Variants in B4GALT5 observed in about 807,000 individuals in gnomAD.
B4GALT5 encodes the protein beta-1,4-galactosyltransferase 5, also known as UDP-Gal:beta-GlcNAc beta-1,4-galactosyltransferase 5.
Under a neutral mutation model 45.0 loss-of-function variants are expected in B4GALT5, and 11 were observed. That is an observed-to-expected ratio of 0.24 (90% CI 0.15 to 0.40). The LOEUF is 0.40. Among genes scored for constraint, B4GALT5 ranks in the 10% least tolerant of loss-of-function variants. The pLI, the probability that B4GALT5 is intolerant of heterozygous loss-of-function variation, is 1.00. For missense variants in B4GALT5, 337 were observed against 500.2 expected (o/e 0.67, Z 3.11); for synonymous variants, 185 against 182.9 (o/e 1.01, Z -0.09).
At chr20:49,682,376 A>G (rs533871174) in intron 1 of B4GALT5, among the ~76,000 whole-genome samples, 48 of 152,328 alleles carry the variant, frequency 3.2e-4, no homozygotes, top group African/African-American at 1.2e-3. Context: ...AAGTCTGTCT[A>G]CACCAGCTCT....
chr20:49,702,869 A>G (rs1425412809), intron 1 of B4GALT5, among the ~76,000 whole-genome samples: 3 of 151,274 alleles, frequency 2.0e-5, no homozygotes, highest in Non-Finnish European at 4.4e-5. Flanking sequence ...AACAAAAAAA[A>G]ACCCTAAAAA....
At chr20:49,699,910 C>A (rs4810979) in intron 1 of B4GALT5, among the ~76,000 whole-genome samples, 1 of 151,932 alleles carries the variant, frequency 6.6e-6, no homozygotes, top group Admixed American at 6.6e-5. Context: ...TGCATAATCT[C>A]ATCACTTCCT....
chr20:49,655,051 A>C (rs932368501), intron 2 of B4GALT5, among the ~76,000 whole-genome samples: 1 of 152,062 alleles, frequency 6.6e-6, no homozygotes, highest in Non-Finnish European at 1.5e-5. Flanking sequence ...GAATCACTTG[A>C]GCCTGGGAGG....
At chr20:49,655,215 G>C (rs1475244034) in intron 2 of B4GALT5, among the ~76,000 whole-genome samples, 1 of 152,010 alleles carries the variant, frequency 6.6e-6, no homozygotes, top group African/African-American at 2.4e-5. Context: ...CGGATCACCT[G>C]AGGTCAGGAG....
chr20:49,659,250 T>C (rs1247453756), intron 1 of B4GALT5, among the ~76,000 whole-genome samples: 1 of 152,248 alleles, frequency 6.6e-6, no homozygotes, highest in Non-Finnish European at 1.5e-5. Context: ...ACACTGTTAC[T>C]GCTCAAAAGT....
chr20:49,685,887 GTATT>G (rs1468741611), intron 1 of B4GALT5, among the ~76,000 whole-genome samples: 3 of 150,376 alleles, frequency 2.0e-5, no homozygotes, highest in African/African-American at 4.9e-5. Flanking sequence ...AAGCTTTAGA[GTATT>G]TAAAGTGAAA....
intron 1 of B4GALT5, among the ~76,000 whole-genome samples, chr20:49,659,726 A>G (rs2085657714): frequency 6.6e-6 from 1 of 152,170 alleles, no homozygotes; most frequent in Admixed American, 6.5e-5. Context: ...AAGAACACAG[A>G]GTCAACAGGG....
rs1387543584 is a variant in B4GALT5 at position 49,713,607 on chromosome 20, C to T, written c.84G>A (p.Leu28=). The change falls in exon 1 of 9, where the codon CTG becomes CTA. Residue 28 remains leucine (L), a synonymous_variant. Coordinates refer to ENST00000371711, the MANE Select transcript of B4GALT5 (RefSeq NM_004776.4). ...ALFFFSLSSS[L]LYFVYVAPGI... is the part of the protein sequence containing the mutation. Reference sequence around the variant, plus strand: ...CGGGCGCCACATAGACGAAGTACAGCAGCGAGGACGAGAGAGAAAAGAAGA... The same window carrying T: ...CGGGCGCCACATAGACGAAGTACAGTAGCGAGGACGAGAGAGAAAAGAAGA... The T allele has an allele frequency of 6.3e-7, 1 of 1,590,928 alleles. No homozygotes were observed. Among genetic ancestry groups the T allele is most frequent in the Non-Finnish European group, 8.5e-7 (1 of 1,170,108 alleles).
chr20:49,678,102 A>C (rs1228858176), intron 1 of B4GALT5, among the ~76,000 whole-genome samples: 1 of 152,248 alleles, frequency 6.6e-6, no homozygotes, highest in Non-Finnish European at 1.5e-5. Flanking sequence ...GTTCCACCTT[A>C]GGACAAACAG....
At chr20:49,640,389 T>A in intron 6 of B4GALT5, 89 bp downstream of exon 6, 1 of 1,191,340 alleles carries the variant, frequency 8.4e-7, no homozygotes, top group Non-Finnish European at 1.1e-6. Flanking sequence ...TTGATGGGCA[T>A]CTAGGTTGCA....
intron 2 of B4GALT5, among the ~76,000 whole-genome samples, chr20:49,655,060 G>T (rs568953348): frequency 6.6e-6 from 1 of 152,168 alleles, no homozygotes; most frequent in Admixed American, 6.5e-5. Context: ...GAGCCTGGGA[G>T]GTCAAGGCTG....
chr20:49,640,742 G>T, intron 5 of B4GALT5, 77 bp from the exon 6 acceptor site: 2 of 1,405,020 alleles, frequency 1.4e-6, no homozygotes, highest in Non-Finnish European at 9.5e-7. Context: ...CTAAAGACGA[G>T]TTTATTAGAA....
intron 2 of B4GALT5, among the ~76,000 whole-genome samples, chr20:49,654,994 G>A (rs926747328): frequency 2.5e-4 from 38 of 152,160 alleles, no homozygotes; most frequent in African/African-American, 6.7e-4. Context: ...AATGAGCCAC[G>A]GTGGCTCACA....
intron 1 of B4GALT5, among the ~76,000 whole-genome samples, chr20:49,672,290 T>C (rs13042810): frequency 0.031 from 4,764 of 152,332 alleles, 106 homozygotes; most frequent in Non-Finnish European, 0.052. Flanking sequence ...CCAACTGGTA[T>C]TAACACCCAA....
intron 1 of B4GALT5, among the ~76,000 whole-genome samples, chr20:49,657,588 T>C (rs572460987): frequency 8.5e-5 from 13 of 152,302 alleles, no homozygotes; most frequent in Admixed American, 7.2e-4. Context: ...CAAATTGCCT[T>C]TGTCATTGTG....
At chr20:49,671,003 A>T (rs945025412) in intron 1 of B4GALT5, among the ~76,000 whole-genome samples, 1 of 152,242 alleles carries the variant, frequency 6.6e-6, no homozygotes, top group African/African-American at 2.4e-5. Flanking sequence ...TGGAAAAAAA[A>T]TTATGGCAAA....
At chr20:49,697,692 C>T (rs1332076467) in intron 1 of B4GALT5, among the ~76,000 whole-genome samples, 2 of 151,886 alleles carry the variant, frequency 1.3e-5, no homozygotes, top group African/African-American at 4.8e-5. Flanking sequence ...ATGAATTAGC[C>T]TAAACCTGTG....
At chr20:49,654,501 T>C (rs1347617423) in intron 2 of B4GALT5, among the ~76,000 whole-genome samples, 1 of 152,216 alleles carries the variant, frequency 6.6e-6, no homozygotes, top group South Asian at 2.1e-4. Flanking sequence ...CAAGAAAGTA[T>C]CAAAAGTTTA....
At chr20:49,688,952 AAAAC>A (rs1360751581) in intron 1 of B4GALT5, among the ~76,000 whole-genome samples, 1 of 152,100 alleles carries the variant, frequency 6.6e-6, no homozygotes, top group African/African-American at 2.4e-5. Context: ...AAAAAAAAAA[AAAAC>A]AGGGTGTAAT....
Sources: gnomAD v4.1 joint callset for allele counts (sites outside exome capture counted in the v4.1 genomes callset) on GRCh38, gnomAD v4.1.1 for gene constraint, MANE v1.5 for transcripts, NCBI Gene and HGNC (gene_info 2026-07-23, HGNC 2026-07-21) for gene names.